Variants in CCDC30 observed in about 807,000 individuals in gnomAD.
The protein encoded by CCDC30 is coiled-coil domain-containing protein 30.
Under a neutral mutation model 100.2 loss-of-function variants are expected in CCDC30, and 70 were observed. The observed-to-expected ratio is 0.70, with a 90% confidence interval of 0.58 to 0.85. The LOEUF is 0.85. Ranked by LOEUF, CCDC30 falls within the 40% of genes least tolerant of loss-of-function variation. The pLI, the probability that CCDC30 is intolerant of heterozygous loss-of-function variation, is 0.00. For synonymous variants in CCDC30, 233 were observed against 269.5 expected (o/e 0.86, Z 1.33); for missense variants, 652 against 771.2 (o/e 0.85, Z 1.83).
chr1:42,456,297 T>TA, the CCDC30 span: 1 of 594,314 alleles, frequency 1.7e-6, no homozygotes, highest in East Asian at 2.8e-5. Flanking sequence ...TGGCCAGTTC[T>TA]TCACCCAGGC....
At chr1:42,548,632 C>T (rs896426344) in intron 6 of CCDC30, among the ~76,000 whole-genome samples, 2 of 152,046 alleles carry the variant, frequency 1.3e-5, no homozygotes, top group Non-Finnish European at 2.9e-5. Flanking sequence ...GAAATAGTTG[C>T]TGCTGCTGAC....
At chr1:42,636,397 C>CTCCAG (rs1181711399) in intron 11 of CCDC30, among the ~76,000 whole-genome samples, 1 of 151,864 alleles carries the variant, frequency 6.6e-6, no homozygotes, top group Non-Finnish European at 1.5e-5. Flanking sequence ...CAGAGTGAGA[C>CTCCAG]CCTGTCTCAA....
chr1:42,578,318 A>G (rs2809651), intron 8 of CCDC30, among the ~76,000 whole-genome samples: 93,411 of 151,962 alleles, frequency 0.61, 29,395 homozygotes, highest in East Asian at 0.81. Context: ...TCAAGAATAG[A>G]TAAAACTAAG....
chr1:42,504,950 C>T (rs1054806086), intron 6 of CCDC30, among the ~76,000 whole-genome samples: 1 of 152,132 alleles, frequency 6.6e-6, no homozygotes, highest in African/African-American at 2.4e-5. Context: ...ATAGTGAAAC[C>T]TTCATGTTTA....
intron 11 of CCDC30, among the ~76,000 whole-genome samples, chr1:42,616,042 A>C (rs1006076303): frequency 6.6e-6 from 1 of 151,914 alleles, no homozygotes; most frequent in African/African-American, 2.4e-5. Flanking sequence ...CAGCCTCCCG[A>C]GTAGCTGGAA....
intron 11 of CCDC30, among the ~76,000 whole-genome samples, chr1:42,626,008 AC>A (rs1164539796): frequency 2.0e-5 from 3 of 151,856 alleles, no homozygotes; most frequent in African/African-American, 7.3e-5. Context: ...CTCTAATAAT[AC>A]TCCCTTTATA....
chr1:42,543,875 C>T (rs1165667297), intron 6 of CCDC30, among the ~76,000 whole-genome samples: 5 of 152,156 alleles, frequency 3.3e-5, no homozygotes, highest in African/African-American at 1.2e-4. Context: ...CCAAAGGGAT[C>T]TCTTAAAGTA....
intron 6 of CCDC30, among the ~76,000 whole-genome samples, chr1:42,551,742 G>GGTGTGT (rs34048456): frequency 0.059 from 8,587 of 144,502 alleles, 326 homozygotes; most frequent in Non-Finnish European, 0.07. Flanking sequence ...GATAAATTCT[G>GGTGTGT]GTGTGTGTGT....
At chr1:42,637,550 C>G (rs932250726) in intron 12 of CCDC30, among the ~76,000 whole-genome samples, 172 bp downstream of exon 16, 1 of 152,186 alleles carries the variant, frequency 6.6e-6, no homozygotes, top group African/African-American at 2.4e-5. Context: ...ACCAAAAGTA[C>G]ATAAGACTCC....
chr1:42,508,461 A>T (rs543199949), intron 6 of CCDC30, among the ~76,000 whole-genome samples: 1 of 152,332 alleles, frequency 6.6e-6, no homozygotes, highest in Admixed American at 6.5e-5. Context: ...GTATCCCTCC[A>T]TAACTTCTAT....
Position 42,555,890 on chromosome 1 carries a change from A to G in CCDC30, c.457-10406A>G, listed in dbSNP as rs1386206007. Among the ~76,000 whole-genome samples, 5 of 152,222 alleles carry G rather than the reference A, an allele frequency of 3.3e-5. No homozygotes were observed. The East Asian group carries it at 7.7e-4, about 24-fold the overall frequency. On this transcript the variant is annotated intron_variant, in intron 6 of 16. Transcript: ENST00000668663. ...CTTTTAGTAGAGACGGGGTTTCACCATGTTGGCCAGGCTCGTCTCCAGCTC... is the reference window on the plus strand; with the variant it reads ...CTTTTAGTAGAGACGGGGTTTCACCGTGTTGGCCAGGCTCGTCTCCAGCTC...
chr1:42,487,353 G>A (rs1314198934), intron 3 of CCDC30, among the ~76,000 whole-genome samples: 1 of 152,108 alleles, frequency 6.6e-6, no homozygotes, highest in Non-Finnish European at 1.5e-5. Flanking sequence ...AAGAACTGGG[G>A]GAAATAAGTG....
chr1:42,622,419 G>C (rs184677851), intron 11 of CCDC30, among the ~76,000 whole-genome samples: 2 of 152,100 alleles, frequency 1.3e-5, no homozygotes, highest in African/African-American at 4.8e-5. Context: ...ATATCTCTTC[G>C]ATATACTGAT....
chr1:42,635,468 T>C (rs1379248384), intron 11 of CCDC30, among the ~76,000 whole-genome samples: 1 of 152,198 alleles, frequency 6.6e-6, no homozygotes, highest in Non-Finnish European at 1.5e-5. Flanking sequence ...TGGACATATG[T>C]TTTCATTTAT....
At chr1:42,528,543 A>G (rs1396739562) in intron 6 of CCDC30, among the ~76,000 whole-genome samples, 2 of 152,204 alleles carry the variant, frequency 1.3e-5, no homozygotes, top group East Asian at 3.8e-4. Flanking sequence ...AAGAAGGAAG[A>G]TTGATTGGGT....
intron 6 of CCDC30, among the ~76,000 whole-genome samples, chr1:42,528,949 T>C (rs753179624): frequency 2.6e-5 from 4 of 152,226 alleles, no homozygotes; most frequent in Non-Finnish European, 5.9e-5. Context: ...AGTACCAGAA[T>C]AGTGTATGTG....
exon 17 of CCDC30, chr1:42,653,860 A>G: frequency 2.5e-6 from 4 of 1,614,072 alleles, no homozygotes; most frequent in Non-Finnish European, 3.4e-6. Flanking sequence ...CAAGTCTTCA[A>G]GAGACTGAAG....
intron 11 of CCDC30, among the ~76,000 whole-genome samples, chr1:42,619,616 T>C (rs1646792214): frequency 6.6e-6 from 1 of 152,086 alleles, no homozygotes; most frequent in Non-Finnish European, 1.5e-5. Context: ...GGTGGTCTTG[T>C]TATATAGATG....
intron 6 of CCDC30, among the ~76,000 whole-genome samples, chr1:42,511,245 A>C (rs1406241922): frequency 6.6e-6 from 1 of 152,040 alleles, no homozygotes; most frequent in African/African-American, 2.4e-5. Flanking sequence ...ATTAGTCACG[A>C]TTACCCATGT....
Sources: gnomAD v4.1 joint callset for allele counts (sites outside exome capture counted in the v4.1 genomes callset) on GRCh38, gnomAD v4.1.1 for gene constraint, MANE v1.5 for transcripts, NCBI Gene and HGNC (gene_info 2026-07-23, HGNC 2026-07-21) for gene names.